TRPC5: variants seen among roughly 807,000 people sequenced by gnomAD.
TRPC5 encodes the protein transient receptor potential cation channel subfamily C member 5, also known as short transient receptor potential channel 5.
Under a neutral mutation model 56.5 loss-of-function variants are expected in TRPC5, and 9 were observed. That is an observed-to-expected ratio of 0.16 (90% CI 0.10 to 0.28). The LOEUF (loss-of-function observed/expected upper bound fraction) is 0.28. Among genes scored for constraint, TRPC5 ranks in the 10% least tolerant of loss-of-function variants. TRPC5 has a pLI of 1.00. For missense variants in TRPC5, 469 were observed against 748.9 expected (o/e 0.63, Z 4.36); for synonymous variants, 282 against 278.5 (o/e 1.01, Z -0.13).
chrX:112,050,001 C>A (rs1479865458), intron 1 of TRPC5, among the ~76,000 whole-genome samples: 1 of 111,267 alleles, frequency 9.0e-6, no homozygotes, highest in African/African-American at 3.3e-5. Flanking sequence ...CATGGGGAAA[C>A]CCCATCTCTA....
chrX:111,922,445 A>G (rs886991325), intron 2 of TRPC5, among the ~76,000 whole-genome samples: 1 of 111,930 alleles, frequency 8.9e-6, no homozygotes, highest in Non-Finnish European at 1.9e-5. Flanking sequence ...CCATCCTAAC[A>G]TGCCAGATAA....
intron 3 of TRPC5, among the ~76,000 whole-genome samples, chrX:111,909,231 G>A (rs1485092120): frequency 9.3e-6 from 1 of 107,827 alleles, no homozygotes. Flanking sequence ...TATGGAGGCT[G>A]AGGCAGGAGA....
At chrX:112,033,369 T>A (rs6642978) in intron 1 of TRPC5, among the ~76,000 whole-genome samples, 20,919 of 107,791 alleles carry the variant, frequency 0.19, 2,431 homozygotes, top group African/African-American at 0.4. Context: ...AAAGTATAAT[T>A]AAAAAAATAG....
chrX:111,827,235 G>A (rs1603046406), intron 7 of TRPC5, among the ~76,000 whole-genome samples: 1 of 111,319 alleles, frequency 9.0e-6, no homozygotes, highest in African/African-American at 3.3e-5. Flanking sequence ...ATATTGGAGT[G>A]CCCCAGACTT....
chrX:111,794,131 A>G (rs1196615390), intron 7 of TRPC5, among the ~76,000 whole-genome samples: 3 of 112,116 alleles, frequency 2.7e-5, no homozygotes, highest in African/African-American at 9.7e-5. Context: ...GGCTGCACAT[A>G]TATTCAAATA....
intron 1 of TRPC5, among the ~76,000 whole-genome samples, chrX:111,983,887 A>T (rs111452856): frequency 0.039 from 4,394 of 111,675 alleles, 207 homozygotes; most frequent in African/African-American, 0.14. Context: ...GAGACAGAAG[A>T]CGGCGTAGCA....
chrX:111,922,969 C>T (rs1926163597), intron 2 of TRPC5, among the ~76,000 whole-genome samples: 1 of 111,583 alleles, frequency 9.0e-6, no homozygotes, highest in South Asian at 3.8e-4. Context: ...TTAGTCCTCA[C>T]TATAGCTCTA....
intron 2 of TRPC5, among the ~76,000 whole-genome samples, chrX:111,948,763 G>T (rs201137120): frequency 1.8e-5 from 2 of 109,770 alleles, no homozygotes; most frequent in East Asian, 5.8e-4. Flanking sequence ...AAGTGGAAAG[G>T]TCTCAAAAAT....
chrX:112,003,081 G>C (rs928338431), intron 1 of TRPC5, among the ~76,000 whole-genome samples: 4 of 111,529 alleles, frequency 3.6e-5, no homozygotes, highest in African/African-American at 9.8e-5. Context: ...TTCTCAGAGA[G>C]AGAGTGAGTA....
chrX:111,806,374 G>A (rs895027059), intron 7 of TRPC5, among the ~76,000 whole-genome samples: 1 of 112,023 alleles, frequency 8.9e-6, no homozygotes, highest in African/African-American at 3.2e-5. Flanking sequence ...CTCAACCAAG[G>A]AAGGATTTTC....
rs1389941031 is a variant in TRPC5 at position 111,776,112 on chromosome X, TAAA to T, written c.*198_*200del. 5.1e-6 allele frequency: 2 copies of T among 394,575 alleles called. No individual in the cohort carries two copies. The highest frequency in any genetic ancestry group is 9.2e-5 in the Admixed American group (2 of 21,770). The allele number at this position is 394,575 out of a possible 1,213,427, so 32.5% of individuals were successfully genotyped here. On this transcript the variant is annotated 3_prime_UTR_variant, in exon 11 of 11. Transcript: ENST00000262839. Reference sequence around the variant, plus strand: ...AGATGGACTTAGTGTGTATAGGTATTAAAAAGGCAAATAATAATGAAAGTAATA... The same window carrying T: ...AGATGGACTTAGTGTGTATAGGTATTAAGGCAAATAATAATGAAAGTAATA...
At chrX:112,068,628 AAC>A (rs1192363763) in intron 1 of TRPC5, among the ~76,000 whole-genome samples, 1 of 111,622 alleles carries the variant, frequency 9.0e-6, no homozygotes, top group African/African-American at 3.3e-5. Context: ...GCATCAGGGA[AAC>A]ACACACATCA....
At chrX:112,058,903 G>A (rs767362432) in intron 1 of TRPC5, among the ~76,000 whole-genome samples, 1 of 111,319 alleles carries the variant, frequency 9.0e-6, no homozygotes, top group African/African-American at 3.3e-5. Context: ...TACAGATGAA[G>A]GAACTAAGTA....
At chrX:111,924,524 A>T (rs1240303496) in intron 2 of TRPC5, among the ~76,000 whole-genome samples, 1 of 111,344 alleles carries the variant, frequency 9.0e-6, no homozygotes, top group East Asian at 2.8e-4. Context: ...AGCAAAATTC[A>T]TGTTACATAA....
At chrX:111,860,110 G>A (rs1923358095) in intron 3 of TRPC5, among the ~76,000 whole-genome samples, 1 of 112,180 alleles carries the variant, frequency 8.9e-6, no homozygotes, top group African/African-American at 3.2e-5. Flanking sequence ...GGGTTTCACC[G>A]TGTTAGCCAG....
At chrX:111,779,995 G>A (rs1003581287) in intron 9 of TRPC5, among the ~76,000 whole-genome samples, 14 of 111,804 alleles carry the variant, frequency 1.3e-4, no homozygotes, top group East Asian at 5.6e-4. Flanking sequence ...ATTTGAAGGC[G>A]GGAGTAGGGA....
chrX:111,792,408 C>T (rs775268080), intron 7 of TRPC5, among the ~76,000 whole-genome samples: 1 of 111,295 alleles, frequency 9.0e-6, no homozygotes, highest in South Asian at 3.9e-4. Context: ...ACCACCATGG[C>T]ACATGTTTAC....
chrX:112,063,731 G>A (rs1930511020), intron 1 of TRPC5, among the ~76,000 whole-genome samples: 1 of 112,105 alleles, frequency 8.9e-6, no homozygotes, highest in Admixed American at 9.4e-5. Flanking sequence ...AATAATGTCA[G>A]GTAGTATATA....
At chrX:111,828,490 A>G (rs944818314) in intron 7 of TRPC5, among the ~76,000 whole-genome samples, 2 of 112,030 alleles carry the variant, frequency 1.8e-5, no homozygotes, top group Admixed American at 9.5e-5. Context: ...CAGAACTGTG[A>G]GTCAATTAAA....
Sources: gnomAD v4.1 joint callset for allele counts (sites outside exome capture counted in the v4.1 genomes callset) on GRCh38, gnomAD v4.1.1 for gene constraint, MANE v1.5 for transcripts, NCBI Gene and HGNC (gene_info 2026-07-23, HGNC 2026-07-21) for gene names.